The following ANKRD9 variants were observed in gnomAD, a reference collection of about 807,000 sequenced individuals.
ANKRD9 encodes ankyrin repeat domain 9.
Under a neutral mutation model 19.2 loss-of-function variants are expected in ANKRD9, and 13 were observed. That is an observed-to-expected ratio of 0.68 (90% CI 0.44 to 1.08). ANKRD9 has a LOEUF of 1.08. Ranked by LOEUF, ANKRD9 falls within the 50% of genes least tolerant of loss-of-function variation. The probability of loss-of-function intolerance (pLI) is 0.00; values close to 1 mark genes in which losing one functional copy is unlikely to be tolerated. For missense variants in ANKRD9, 518 were observed against 499.9 expected, an observed-to-expected ratio of 1.04 and a Z score of -0.34; for synonymous variants, 278 against 256.8, an observed-to-expected ratio of 1.08 and a Z score of -0.79.
In ANKRD9 at chr14:102,507,338, C is replaced by G. The variant is rs1891634333; in HGVS notation, c.552G>C (p.Ser184=). ...CLFLLLGHGA[S]PGLRDGGGLT... is the part of the protein sequence containing the mutation. Reference sequence around the variant, plus strand: ...GGCCGCCGCCGTCCCGCAGACCGGGCGAGGCGCCGTGGCCCAGCAGCAGGA... The same window carrying G: ...GGCCGCCGCCGTCCCGCAGACCGGGGGAGGCGCCGTGGCCCAGCAGCAGGA... Residue 184 remains serine (S), a synonymous_variant, in exon 4 of 4, where the codon TCG becomes TCC. Coordinates refer to ENST00000286918, the MANE Select transcript of ANKRD9 (RefSeq NM_152326.4). This position sits in a 1 kb window ranked among gnomAD's most constrained non-coding sequence, Gnocchi z 9.2. 2.3e-6 allele frequency: 3 copies of G among 1,312,680 alleles called. No homozygotes were observed. Among genetic ancestry groups the G allele is most frequent in the Non-Finnish European group, 2.9e-6 (3 of 1,027,016 alleles). 81.3% of individuals were successfully genotyped at this position (1,312,680 alleles called of 1,614,324 possible).
rs368778751 is a variant in ANKRD9, at chr14:102,505,103, A to C, written c.*1833T>G. On this transcript the variant is annotated 3_prime_UTR_variant, in exon 4 of 4. Transcript: ENST00000286918. ...CATTGTGGAGGCTGACCTATAGAGA[A>C]CAGAGCTGGAGCTGGGGAGACATGA... 1 of 152,548 alleles carries C rather than the reference A, an allele frequency of 6.6e-6. No individual in the cohort carries two copies. The highest frequency in any genetic ancestry group is 1.9e-4 in the East Asian group (1 of 5,200). The allele number at this position is 152,548 out of a possible 1,614,324, so 9.4% of individuals were successfully genotyped here.
chr14:102,507,060 G>A lies in ANKRD9; in HGVS notation c.830C>T (p.Ser277Leu), dbSNP rs1450786892. ...CACCTGCATGGCGCGCGCGAAGAGC[G>A]AGGGCGGCGCCAGGCCCGCCAGCCA... ...FQWLAGLAPPSLFARAMQVLV... is the reference protein window; with the variant it reads ...FQWLAGLAPPLLFARAMQVLV... Residue 277 changes from serine (S) to leucine (L), a missense_variant, in exon 4 of 4, where the codon TCG (serine) becomes TTG (leucine). Ser to Leu is a moderately radical substitution (Grantham distance 145, BLOSUM62 -2). Transcript: ENST00000286918. This position sits in a 1 kb window ranked among gnomAD's most constrained non-coding sequence, Gnocchi z 9.2. 1 of 1,556,460 alleles carries A rather than the reference G, an allele frequency of 6.4e-7. No homozygotes were observed. The highest frequency in any genetic ancestry group is 1.2e-5 in the South Asian group (1 of 85,464).
At position 102,506,705 on chromosome 14, in the gene ANKRD9, G is replaced by A. The variant is rs897987001; in HGVS notation, c.*231C>T. On this transcript the variant is annotated 3_prime_UTR_variant, in exon 4 of 4. Transcript: ENST00000286918. ...TCCGAGGCTCTAGATCAAGGTGGGA[G>A]GTTAGTCCTCACTCCCTTCAGGGGC... 1.3e-5 allele frequency: 6 copies of A among 478,014 alleles called. No individual in the cohort carries two copies. Among genetic ancestry groups the A allele is most frequent in the African/African-American group, 6.0e-5 (3 of 49,810 alleles). 29.6% of individuals were successfully genotyped at this position (478,014 alleles called of 1,614,324 possible). A position where few individuals can be genotyped will look rare whatever the true frequency, so the allele number is the denominator to read the frequency against.
rs1440194047 is a variant in ANKRD9 at position 102,507,678 on chromosome 14, G to C, written c.212C>G (p.Ser71Trp). The change falls in exon 4 of 4, where the codon TCG (serine) becomes TGG (tryptophan). Residue 71 changes from serine to tryptophan, a missense_variant. By Grantham distance (177) the Ser-to-Trp change is radical. Transcript: ENST00000286918. The surrounding 1 kb of genome is among the most constrained non-coding windows in gnomAD (Gnocchi z 9.2). ...CGCGTAGAGCAGCGCCTCAGAGGGC[G>C]AGTAGGCGGCGGCGCGCCCGCGCTC... ...WDERGRAAAY[S>W]PSEALLYALV... 2 of 1,556,582 alleles carry C rather than the reference G, an allele frequency of 1.3e-6. No individual in the cohort carries two copies. The highest frequency in any genetic ancestry group is 2.4e-5 in the East Asian group (1 of 41,910).
At position 102,504,961 on chromosome 14, in the gene ANKRD9, G is replaced by A. The variant is rs1367742417; in HGVS notation, c.*1975C>T. ...GGCCAGGCAATGAGTACCGGCGGCA[G>A]GCAGCTGCCTCACCCCTGCATGACC... On this transcript the variant is annotated 3_prime_UTR_variant, in exon 4 of 4. Coordinates refer to ENST00000286918, the MANE Select transcript of ANKRD9 (RefSeq NM_152326.4). 6.6e-6 allele frequency: 1 copy of A among 152,414 alleles called. No homozygotes were observed. The highest frequency in any genetic ancestry group is 1.9e-4 in the East Asian group (1 of 5,200). 9.4% of individuals were successfully genotyped at this position (152,414 alleles called of 1,614,324 possible).
rs1406199936 is a variant in ANKRD9, at chr14:102,507,264, GC to G, written c.625del (p.Ala209ProfsTer115). On this transcript the variant is annotated frameshift_variant, in exon 4 of 4. Transcript: ENST00000286918. LOFTEE classifies it high-confidence loss of function. The surrounding 1 kb of genome is among the most constrained non-coding windows in gnomAD (Gnocchi z 9.2). ...GGGGGCTCCGGCGGCGGAGGGAGTG[GC>G]CCCGGCGTCGCGGCCCAGCTGGCGC... The part of the protein sequence containing the change: ...LLRQLGRDAG[A>X]TPSAAGAPAS... 3 of 1,217,606 alleles carry G rather than the reference GC, an allele frequency of 2.5e-6. No homozygotes were observed. The highest frequency in any genetic ancestry group is 2.6e-5 in the South Asian group (1 of 38,750). 75.4% of individuals were successfully genotyped at this position (1,217,606 alleles called of 1,614,324 possible).
Position 102,506,756 on chromosome 14 carries a change from C to T in ANKRD9, c.*180G>A. 5.6e-6 allele frequency: 5 copies of T among 888,964 alleles called. No individual in the cohort carries two copies. The highest frequency in any genetic ancestry group is 7.5e-6 in the Non-Finnish European group (5 of 668,536). 55.1% of individuals were successfully genotyped at this position (888,964 alleles called of 1,614,324 possible). ...TGGACAGCGAGCTGAAGGCCCGAGC[C>T]CAGCTGCACCCAGAAAACCTGCCAC... is the stretch of plus-strand genomic sequence containing the variant. On this transcript the variant is annotated 3_prime_UTR_variant, in exon 4 of 4. Transcript: ENST00000286918.
rs936896177 is a variant in ANKRD9, at chr14:102,502,169, G to C, written c.*4767C>G. ...GCGCAGGACCTCACCGCGCCAGCGT[G>C]AAGTTCCCGGGCATGGTCATGAAAG... On this transcript the variant is annotated 3_prime_UTR_variant, in exon 4 of 4. Transcript: ENST00000286918. The C allele has an allele frequency of 6.6e-6, 1 of 152,330 alleles. No homozygotes were observed. Among genetic ancestry groups the C allele is most frequent in the African/African-American group, 2.4e-5 (1 of 41,476 alleles). The allele number at this position is 152,330 out of a possible 1,614,324, so 9.4% of individuals were successfully genotyped here.
Position 102,507,404 on chromosome 14 carries a change from C to A in ANKRD9, c.486G>T (p.Ser162=). 1 of 1,353,462 alleles carries A rather than the reference C, an allele frequency of 7.4e-7. No homozygotes were observed. Among genetic ancestry groups the A allele is most frequent in the Non-Finnish European group, 9.5e-7 (1 of 1,050,358 alleles). 83.8% of individuals were successfully genotyped at this position (1,353,462 alleles called of 1,614,324 possible). A position where few individuals can be genotyped will look rare whatever the true frequency, so the allele number is the denominator to read the frequency against. ...GCGCCAGCTCACAGGCCACGTGCAG[C>A]GACGTGCCACCGCCCTCCACGCGGC... ...GCSRVEGGGT[S]LHVACELARP... The change falls in exon 4 of 4, where the codon TCG becomes TCT. Residue 162 remains serine, a synonymous_variant. Transcript: ENST00000286918. This position sits in a 1 kb window ranked among gnomAD's most constrained non-coding sequence, Gnocchi z 9.2.
rs766361107 is a variant in ANKRD9, at chr14:102,506,948, A to G, written c.942T>C (p.Thr314=). The G allele has an allele frequency of 6.6e-7, 1 of 1,525,748 alleles. No homozygotes were observed. The highest frequency in any genetic ancestry group is 1.2e-5 in the South Asian group (1 of 81,516). 94.5% of individuals were successfully genotyped at this position (1,525,748 alleles called of 1,614,324 possible). The part of the protein sequence containing the change: ...LPPFLQPLDL[T]GKG ...GGGTGCTCCGGGCCTAGCCTTTGCC[A>G]GTGAGGTCCAACGGCTGCAGGAATG... The change falls in exon 4 of 4, where the codon ACT becomes ACC. Residue 314 remains threonine, a synonymous_variant. Coordinates refer to ENST00000286918, the MANE Select transcript of ANKRD9 (RefSeq NM_152326.4).
Position 102,502,014 on chromosome 14 carries a change from C to G in ANKRD9, c.*4922G>C, listed in dbSNP as rs867422312. 13 of 152,258 alleles carry G rather than the reference C, an allele frequency of 8.5e-5. No individual in the cohort carries two copies. The highest frequency in any genetic ancestry group is 3.1e-4 in the African/African-American group (13 of 41,450). The allele number at this position is 152,258 out of a possible 1,614,324, so 9.4% of individuals were successfully genotyped here. On this transcript the variant is annotated 3_prime_UTR_variant, in exon 4 of 4. Transcript: ENST00000286918. ...ACAAGTCCTAGGTCAAGGGAAACAG[C>G]ACAGCCTGTTTATAATTAGGAAACA...
At position 102,503,168 on chromosome 14, in the gene ANKRD9, A is replaced by C. The variant is rs893834228; in HGVS notation, c.*3768T>G. On this transcript the variant is annotated 3_prime_UTR_variant, in exon 4 of 4. Coordinates refer to ENST00000286918, the MANE Select transcript of ANKRD9 (RefSeq NM_152326.4). The stretch of plus-strand genomic sequence containing the variant: ...GCGGAAGTTACAGTGAGCTGAGACC[A>C]CACCATTGCACTCCAGTCTGGATGA... 1 of 151,704 alleles carries C rather than the reference A, an allele frequency of 6.6e-6. No homozygotes were observed. Among genetic ancestry groups the C allele is most frequent in the African/African-American group, 2.4e-5 (1 of 41,294 alleles). 9.4% of individuals were successfully genotyped at this position (151,704 alleles called of 1,614,324 possible).
chr14:102,507,126 C>A lies in ANKRD9; in HGVS notation c.764G>T (p.Arg255Leu), dbSNP rs1193191053. The stretch of plus-strand genomic sequence containing the variant: ...ACCCAGCAGCCGCTGCCAGCGCGGC[C>A]GGTCGCCCAGCAGCTCCTGGCGGGC... ...GSARQELLGDRPRWQRLLGED... is the reference protein window; with the variant it reads ...GSARQELLGDLPRWQRLLGED... Residue 255 changes from arginine (R) to leucine (L), a missense_variant, in exon 4 of 4, where the codon CGG becomes CTG. Transcript: ENST00000286918. This position sits in a 1 kb window ranked among gnomAD's most constrained non-coding sequence, Gnocchi z 9.2. 1 of 1,488,624 alleles carries A rather than the reference C, an allele frequency of 6.7e-7. No homozygotes were observed. The highest frequency in any genetic ancestry group is 1.5e-5 in the African/African-American group (1 of 68,738). 92.2% of individuals were successfully genotyped at this position (1,488,624 alleles called of 1,614,324 possible).
rs1891677751 is a variant in ANKRD9, at chr14:102,508,231, C to T, written c.-54+244G>A. On this transcript the variant is annotated intron_variant, in intron 3 of 3. Transcript: ENST00000286918. This position sits in a 1 kb window ranked among gnomAD's most constrained non-coding sequence, Gnocchi z 6.2. ...TGCCCATGCCCTCAAATCTCCCCTC[C>T]CCTCTCCAACCCAGGGACCCACTGG... is the stretch of plus-strand genomic sequence containing the variant. Among the ~76,000 whole-genome samples, 1 of 152,206 alleles carries T rather than the reference C, an allele frequency of 6.6e-6. No homozygotes were observed. The highest frequency in any genetic ancestry group is 6.5e-5 in the Admixed American group (1 of 15,282).
chr14:102,506,667 G>A lies in ANKRD9; in HGVS notation c.*269C>T, dbSNP rs1415751014. 2 of 385,470 alleles carry A rather than the reference G, an allele frequency of 5.2e-6. No individual in the cohort carries two copies. The highest frequency in any genetic ancestry group is 9.0e-6 in the Non-Finnish European group (2 of 223,202). The allele number at this position is 385,470 out of a possible 1,614,324, so 23.9% of individuals were successfully genotyped here. A position where few individuals can be genotyped will look rare whatever the true frequency, so the allele number is the denominator to read the frequency against. On this transcript the variant is annotated 3_prime_UTR_variant, in exon 4 of 4. Coordinates refer to ENST00000286918, the MANE Select transcript of ANKRD9 (RefSeq NM_152326.4). ...GCGGCACTCAGCTGTCACCCATCTG[G>A]GACGCACACCTGTCCGAGGCTCTAG...
rs1891658105 is a variant in ANKRD9, at chr14:102,507,704, G to A, written c.186C>T (p.Asp62=). The stretch of plus-strand genomic sequence containing the variant: ...AGTAGGCGGCGGCGCGCCCGCGCTC[G>A]TCCCAGTGGAAGGCCTCGCTGGCGC... ...DMRASEAFHW[D]ERGRAAAYSP... The change falls in exon 4 of 4, where the codon GAC becomes GAT. Residue 62 remains aspartate, a synonymous_variant. Coordinates refer to ENST00000286918, the MANE Select transcript of ANKRD9 (RefSeq NM_152326.4). This position sits in a 1 kb window ranked among gnomAD's most constrained non-coding sequence, Gnocchi z 9.2. 6.5e-7 allele frequency: 1 copy of A among 1,539,870 alleles called. No individual in the cohort carries two copies. Among genetic ancestry groups the A allele is most frequent in the Non-Finnish European group, 8.7e-7 (1 of 1,148,332 alleles).
chr14:102,507,120 C>A lies in ANKRD9; in HGVS notation c.770G>T (p.Arg257Leu), dbSNP rs750654437. ...GTCCTCACCCAGCAGCCGCTGCCAG[C>A]GCGGCCGGTCGCCCAGCAGCTCCTG... Reference protein sequence around the residue: ...ARQELLGDRPRWQRLLGEDKF... With the variant: ...ARQELLGDRPLWQRLLGEDKF... Residue 257 changes from arginine to leucine, a missense_variant, in exon 4 of 4, where the codon CGC becomes CTC. By Grantham distance (102) the Arg-to-Leu change is moderately radical. Coordinates refer to ENST00000286918, the MANE Select transcript of ANKRD9 (RefSeq NM_152326.4). The surrounding 1 kb of genome is among the most constrained non-coding windows in gnomAD (Gnocchi z 9.2). The A allele has an allele frequency of 4.2e-5, 63 of 1,492,986 alleles. No homozygotes were observed. The highest frequency in any genetic ancestry group is 5.2e-5 in the Non-Finnish European group (59 of 1,128,410). 92.5% of individuals were successfully genotyped at this position (1,492,986 alleles called of 1,614,324 possible).
rs1401482390 is a variant in ANKRD9, at chr14:102,507,174, G to C, written c.716C>G (p.Thr239Ser). Residue 239 changes from threonine to serine, a missense_variant, in exon 4 of 4, where the codon ACC becomes AGC. Physicochemically the swap from Thr to Ser is moderately conservative, Grantham distance 58. Coordinates refer to ENST00000286918, the MANE Select transcript of ANKRD9 (RefSeq NM_152326.4). The surrounding 1 kb of genome is among the most constrained non-coding windows in gnomAD (Gnocchi z 9.2). The stretch of plus-strand genomic sequence containing the variant: ...GGCCGAGCCGGCGGCACCCACGGGG[G>C]TGTACAGCGCCAGGAGGTCCAGCAG... ...LLLLDLLALYTPVGAAGSARQ... is the reference protein window; with the variant it reads ...LLLLDLLALYSPVGAAGSARQ... 6 of 1,396,970 alleles carry C rather than the reference G, an allele frequency of 4.3e-6. No individual in the cohort carries two copies. In the African/African-American group the frequency reaches 4.6e-5, roughly 11 times the overall value. The allele number at this position is 1,396,970 out of a possible 1,614,324, so 86.5% of individuals were successfully genotyped here. A position where few individuals can be genotyped will look rare whatever the true frequency, so the allele number is the denominator to read the frequency against.
Position 102,506,580 on chromosome 14 carries a change from T to G in ANKRD9, c.*356A>C. On this transcript the variant is annotated 3_prime_UTR_variant, in exon 4 of 4. Coordinates refer to ENST00000286918, the MANE Select transcript of ANKRD9 (RefSeq NM_152326.4). ...GCTCGTTCTCTTGGCTTCCAGGCCT[T>G]TTTATACGCTGTCCTGCTGCTTGGA... 1 of 214,776 alleles carries G rather than the reference T, an allele frequency of 4.7e-6. No individual in the cohort carries two copies. Among genetic ancestry groups the G allele is most frequent in the Non-Finnish European group, 9.1e-6 (1 of 109,294 alleles). 13.3% of individuals were successfully genotyped at this position (214,776 alleles called of 1,614,324 possible). A position where few individuals can be genotyped will look rare whatever the true frequency, so the allele number is the denominator to read the frequency against.
Sources: allele counts gnomAD v4.1 joint callset (sites outside exome capture counted in the v4.1 genomes callset), GRCh38; gene constraint gnomAD v4.1.1; non-coding constraint Gnocchi (gnomAD v3.1); transcripts MANE v1.5; gene names NCBI Gene and HGNC (gene_info 2026-07-23, HGNC 2026-07-21).